Variants in PRKG1 observed in about 807,000 individuals in gnomAD.
The protein encoded by PRKG1 is cGMP-dependent protein kinase 1.
A neutral mutation model predicts 88.1 loss-of-function variants in PRKG1; 35 were observed. The observed-to-expected ratio is 0.40, with a 90% CI of 0.30 to 0.53. The LOEUF is 0.53. PRKG1 is among the 20% of genes least tolerant of loss of function. The pLI is 0.59. For missense variants in PRKG1, 540 were observed against 839.8 expected, an observed-to-expected ratio of 0.64 and a Z score of 4.41; for synonymous variants, 303 against 292.5, an observed-to-expected ratio of 1.04 and a Z score of -0.37.
intron 3 of PRKG1, among the ~76,000 whole-genome samples, chr10:51,615,736 GTGT>G (rs1290731678): frequency 6.8e-6 from 1 of 148,076 alleles, no homozygotes; most frequent in African/African-American, 2.5e-5. Flanking sequence ...TGATCTCTTT[GTGT>G]TGTTTTTCAG....
At chr10:51,823,186 G>A (rs991374633) in intron 4 of PRKG1, among the ~76,000 whole-genome samples, 2 of 151,974 alleles carry the variant, frequency 1.3e-5, no homozygotes, top group African/African-American at 4.8e-5. Context: ...TAAGGGTCCT[G>A]GGACCAAAAA....
At chr10:51,633,130 G>A (rs1300440098) in intron 3 of PRKG1, among the ~76,000 whole-genome samples, 3 of 152,122 alleles carry the variant, frequency 2.0e-5, no homozygotes, top group African/African-American at 7.2e-5. Flanking sequence ...GGTTCCAATT[G>A]TTGTCACTCA....
rs75727906 is a variant in PRKG1, at chr10:51,335,595, G to A, written c.479-132128G>A. On this transcript the variant is annotated intron_variant, in intron 2 of 17. Coordinates refer to ENST00000373980, the MANE Select transcript of PRKG1 (RefSeq NM_006258.4). ...TCCCCAGGCTGGAGTGCAGTGGCAC[G>A]ATGTCGGCTTACTGCAAACTCGGCC... Among the ~76,000 whole-genome samples, 1,255 of 152,056 alleles carry A rather than the reference G, an allele frequency of 8.3e-3. 16 individuals carry two copies. The highest frequency in any genetic ancestry group is 0.029 in the African/African-American group (1,201 of 41,484).
chr10:52,015,176 C>T (rs1845006600), intron 5 of PRKG1, among the ~76,000 whole-genome samples: 2 of 152,208 alleles, frequency 1.3e-5, no homozygotes, highest in Admixed American at 1.3e-4. Context: ...AGGGCTCTGT[C>T]CCTGCAGCAG....
chr10:51,237,335 G>A (rs1839023586), intron 2 of PRKG1, among the ~76,000 whole-genome samples: 1 of 152,200 alleles, frequency 6.6e-6, no homozygotes, highest in African/African-American at 2.4e-5. Flanking sequence ...TGTGTAGAAT[G>A]AAAGCGCAGG....
intron 4 of PRKG1, among the ~76,000 whole-genome samples, chr10:51,837,073 ATTC>A (rs1840150984): frequency 6.6e-6 from 1 of 152,172 alleles, no homozygotes; most frequent in Admixed American, 6.6e-5. Flanking sequence ...AGAAAATGCA[ATTC>A]TTCTCACTCT....
At chr10:52,232,861 C>T (rs1840559017) in intron 9 of PRKG1, among the ~76,000 whole-genome samples, 1 of 152,120 alleles carries the variant, frequency 6.6e-6, no homozygotes, top group Non-Finnish European at 1.5e-5. Flanking sequence ...ATGATGAGGT[C>T]AAAGAAAGGT....
intron 3 of PRKG1, among the ~76,000 whole-genome samples, chr10:51,544,107 G>C (rs1043282434): frequency 5.3e-5 from 8 of 151,934 alleles, no homozygotes; most frequent in African/African-American, 1.5e-4. Context: ...ACAATGTGCA[G>C]GTTTGTTACA....
chr10:52,197,055 A>G (rs1190707799), intron 9 of PRKG1, among the ~76,000 whole-genome samples: 1 of 152,232 alleles, frequency 6.6e-6, no homozygotes, highest in Non-Finnish European at 1.5e-5. Context: ...CTACAATTTT[A>G]TTAGGAAAAC....
intron 7 of PRKG1, among the ~76,000 whole-genome samples, chr10:52,080,770 A>G (rs1034285904): frequency 1.3e-5 from 2 of 152,000 alleles, no homozygotes; most frequent in Non-Finnish European, 2.9e-5. Context: ...AATTTAATTT[A>G]TTTAAAGTCT....
At chr10:51,466,489 T>C (rs182287724) in intron 2 of PRKG1, among the ~76,000 whole-genome samples, 2 of 152,216 alleles carry the variant, frequency 1.3e-5, no homozygotes, top group Admixed American at 6.5e-5. Context: ...ATACCATTTA[T>C]GTGAAATGGT....
chr10:52,287,974 A>G lies in PRKG1; in HGVS notation c.1710-752A>G, dbSNP rs1358181526. 2.6e-5 allele frequency among the ~76,000 whole-genome samples: 4 copies of G among 152,150 alleles called. No homozygotes were observed. In the East Asian group the frequency reaches 7.7e-4, roughly 29 times the overall value. On this transcript the variant is annotated intron_variant, in intron 14 of 17. Coordinates refer to ENST00000373980, the MANE Select transcript of PRKG1 (RefSeq NM_006258.4). ...GGGAAGACAGACATAAAACAATCAC[A>G]CAAATGAAAAGATAATTACAAAGTA...
intron 3 of PRKG1, among the ~76,000 whole-genome samples, chr10:51,510,344 A>G (rs905192376): frequency 9.2e-5 from 14 of 152,184 alleles, no homozygotes; most frequent in Non-Finnish European, 1.3e-4. Context: ...TGATGAGAAC[A>G]TTTAAAATCT....
chr10:52,247,760 A>G (rs1004906574), intron 9 of PRKG1, among the ~76,000 whole-genome samples: 4 of 152,172 alleles, frequency 2.6e-5, no homozygotes, highest in African/African-American at 9.7e-5. Context: ...AGTCTCTGTG[A>G]AAATGTGACT....
chr10:51,948,555 T>TGC (rs1217841230), intron 5 of PRKG1, among the ~76,000 whole-genome samples: 8 of 150,752 alleles, frequency 5.3e-5, no homozygotes, highest in African/African-American at 1.7e-4. Flanking sequence ...TGTGCGTGTG[T>TGC]GTGTGTGTAA....
In PRKG1 at chr10:52,259,133, A is replaced by T. The variant is rs1193291416; in HGVS notation, c.1173+7467A>T. ...AGATTAGACTTGCCAAAAAAAAAAA[A>T]AGAGTTGTTTGGACATTAAGTAATG... is the stretch of plus-strand genomic sequence containing the variant. On this transcript the variant is annotated intron_variant, in intron 10 of 17. Coordinates refer to ENST00000373980, the MANE Select transcript of PRKG1 (RefSeq NM_006258.4). Among the ~76,000 whole-genome samples, 4 of 152,070 alleles carry T rather than the reference A, an allele frequency of 2.6e-5. No individual in the cohort carries two copies. The East Asian group carries it at 7.8e-4, about 29-fold the overall frequency.
rs375437891 is a variant in PRKG1 at position 51,599,064 on chromosome 10, G to A, written c.592+131228G>A. Among the ~76,000 whole-genome samples the A allele has an allele frequency of 3.3e-5, 5 of 152,086 alleles. No individual in the cohort carries two copies. The East Asian group carries it at 7.7e-4, about 23-fold the overall frequency. ...GAGATGATAAGCTGGATAAAACAGA[G>A]GTCTGAAAATTTGACAGACTTTGGA... On this transcript the variant is annotated intron_variant, in intron 3 of 17. Transcript: ENST00000373980.
Position 51,074,849 on chromosome 10 carries a change from G to A in PRKG1, c.259G>A (p.Asp87Asn), listed in dbSNP as rs1282024063. 2 of 1,613,306 alleles carry A rather than the reference G, an allele frequency of 1.2e-6. No individual in the cohort carries two copies. Among genetic ancestry groups the A allele is most frequent in the African/African-American group, 1.3e-5 (1 of 74,910 alleles). ...QAISAEPTAF[D>N]IQDLSHVTLP... ...GATCTCCGCCGAGCCCACCGCCTTC[G>A]ACATCCAGGATCTCAGCCATGTGAC... Residue 87 changes from aspartate (D) to asparagine (N), a missense_variant, in exon 1 of 18, where the codon GAC becomes AAC. Asp to Asn is a conservative substitution (Grantham distance 23). Transcript: ENST00000373980.
chr10:51,565,433 A>G (rs1837574127), intron 3 of PRKG1, among the ~76,000 whole-genome samples: 1 of 151,988 alleles, frequency 6.6e-6, no homozygotes, highest in East Asian at 1.9e-4. Context: ...TTCTGTGAAT[A>G]AAACAAAAAA....
Sources: allele counts gnomAD v4.1 joint callset (sites outside exome capture counted in the v4.1 genomes callset), GRCh38; gene constraint gnomAD v4.1.1; transcripts MANE v1.5; gene names NCBI Gene and HGNC (gene_info 2026-07-23, HGNC 2026-07-21).